Variants in CNTN1 observed in about 807,000 individuals in gnomAD.
CNTN1 encodes the protein contactin 1.
In CNTN1, 38 loss-of-function variants were observed where a neutral mutation model predicts 126.4. The ratio of observed to expected loss-of-function variants is 0.30; its 90% CI spans 0.23 to 0.39. The LOEUF is 0.39. Ranked by LOEUF, CNTN1 falls within the 10% of genes least tolerant of loss-of-function variation. The probability of loss-of-function intolerance (pLI) is 1.00; values close to 1 mark genes in which losing one functional copy is unlikely to be tolerated. For missense variants in CNTN1, 1,009 were observed against 1,248.4 expected (o/e 0.81, Z 2.89); for synonymous variants, 413 against 422.6 (o/e 0.98, Z 0.28).
chr12:40,775,775 T>G (rs1003067765), intron 1 of CNTN1, among the ~76,000 whole-genome samples: 6 of 151,564 alleles, frequency 4.0e-5, no homozygotes, highest in African/African-American at 1.5e-4. Flanking sequence ...AAGACCTAAG[T>G]TAGACACAAA....
chr12:40,940,567 GTAAAGT>G (rs1450957833), intron 12 of CNTN1, among the ~76,000 whole-genome samples: 1 of 152,122 alleles, frequency 6.6e-6, no homozygotes, highest in Non-Finnish European at 1.5e-5. Flanking sequence ...CTAAAGCTTG[GTAAAGT>G]TAAAGTGACC....
At chr12:40,746,096 C>T (rs2136389656) in intron 1 of CNTN1, among the ~76,000 whole-genome samples, 1 of 152,200 alleles carries the variant, frequency 6.6e-6, no homozygotes, top group East Asian at 1.9e-4. Flanking sequence ...ATTGATGCAA[C>T]AACTTAATTA....
chr12:40,872,592 A>C (rs1180247795), intron 1 of CNTN1, among the ~76,000 whole-genome samples: 1 of 35,436 alleles, frequency 2.8e-5, no homozygotes, highest in African/African-American at 1.3e-4. Context: ...TTTTTTTTTG[A>C]GATGGAGTCT....
chr12:40,910,500 G>A (rs1488599357), intron 3 of CNTN1, among the ~76,000 whole-genome samples: 2 of 152,292 alleles, frequency 1.3e-5, no homozygotes, highest in East Asian at 3.9e-4. Context: ...TTAAGATTCA[G>A]TTCAATTAAA....
chr12:40,962,311 A>G (rs1947131865), intron 15 of CNTN1, among the ~76,000 whole-genome samples: 1 of 152,070 alleles, frequency 6.6e-6, no homozygotes, highest in African/African-American at 2.4e-5. Flanking sequence ...AAGGGTGAGT[A>G]TATGCATACA....
intron 1 of CNTN1, among the ~76,000 whole-genome samples, chr12:40,898,790 G>T (rs78943838): frequency 0.098 from 14,928 of 152,248 alleles, 866 homozygotes; most frequent in Non-Finnish European, 0.13. Flanking sequence ...GGGTGGTCTC[G>T]TGTCAGAAGA....
intron 6 of CNTN1, among the ~76,000 whole-genome samples, chr12:40,925,611 A>ATATATATATACGTG (rs1565962125): frequency 1.0e-4 from 15 of 143,924 alleles, no homozygotes; most frequent in Non-Finnish European, 1.1e-4. Context: ...ATATACGTGT[A>ATATATATATACGTG]TATATATATA....
intron 1 of CNTN1, among the ~76,000 whole-genome samples, chr12:40,867,081 T>C (rs1034866475): frequency 1.3e-5 from 2 of 152,172 alleles, no homozygotes; most frequent in African/African-American, 2.4e-5. Flanking sequence ...GCACCAGAAG[T>C]CTCTACCATC....
At chr12:40,839,873 A>C (rs1396478960) in intron 1 of CNTN1, among the ~76,000 whole-genome samples, 1 of 152,136 alleles carries the variant, frequency 6.6e-6, no homozygotes, top group Non-Finnish European at 1.5e-5. Context: ...GATAAAACTC[A>C]AACAGTGCCA....
intron 1 of CNTN1, among the ~76,000 whole-genome samples, chr12:40,751,553 CAA>C (rs1404327196): frequency 6.6e-6 from 1 of 152,120 alleles, no homozygotes; most frequent in African/African-American, 2.4e-5. Context: ...GAGAAATTCA[CAA>C]AGTGTTTAGA....
chr12:40,897,383 T>A (rs1310052927), intron 1 of CNTN1, among the ~76,000 whole-genome samples: 2 of 152,196 alleles, frequency 1.3e-5, no homozygotes, highest in Non-Finnish European at 2.9e-5. Context: ...TTTGAGAATT[T>A]GCTTCTACTG....
chr12:40,853,885 G>C (rs1450660266), intron 1 of CNTN1, among the ~76,000 whole-genome samples: 1 of 151,252 alleles, frequency 6.6e-6, no homozygotes, highest in Non-Finnish European at 1.5e-5. Flanking sequence ...AAGATATACA[G>C]TCCACTGACC....
At chr12:40,836,664 G>A (rs1411456860) in intron 1 of CNTN1, among the ~76,000 whole-genome samples, 1 of 152,094 alleles carries the variant, frequency 6.6e-6, no homozygotes, top group East Asian at 1.9e-4. Flanking sequence ...AGGATACATA[G>A]GATAGTTTTT....
At chr12:40,699,430 T>A (rs1941540522) in intron 1 of CNTN1, among the ~76,000 whole-genome samples, 1 of 152,188 alleles carries the variant, frequency 6.6e-6, no homozygotes, top group Admixed American at 6.5e-5. Context: ...AGTTTTTTTT[T>A]AATGAGGAAT....
rs559271911 is a variant in CNTN1, at chr12:41,000,915, AG to A, written c.2113+7648del. 1.3e-3 allele frequency among the ~76,000 whole-genome samples: 198 copies of A among 152,320 alleles called. 1 individual carries two copies. Among genetic ancestry groups the A allele is most frequent in the African/African-American group, 4.5e-3 (189 of 41,580 alleles). On this transcript the variant is annotated intron_variant, in intron 17 of 23. Coordinates refer to ENST00000551295, the MANE Select transcript of CNTN1 (RefSeq NM_001843.4). ...TTTCTGTTCTTGCACTAATTTGCTA[AG>A]GATAATGACTTCCTGCTCCATCCAT...
chr12:40,891,828 T>A (rs11178929), intron 1 of CNTN1, among the ~76,000 whole-genome samples: 1 of 151,970 alleles, frequency 6.6e-6, no homozygotes, highest in Non-Finnish European at 1.5e-5. Flanking sequence ...GGTTGGACAG[T>A]GTCCGTCCTC....
chr12:40,889,725 C>T (rs1436792448), intron 1 of CNTN1, among the ~76,000 whole-genome samples: 1 of 152,024 alleles, frequency 6.6e-6, no homozygotes, highest in Non-Finnish European at 1.5e-5. Context: ...TGGCAGTGAT[C>T]GTGGCAGTTT....
At position 40,950,097 on chromosome 12, in the gene CNTN1, G is replaced by GGTGTGT. The variant is rs59713493; in HGVS notation, c.1683+5968_1683+5973dup. 5.6e-3 allele frequency among the ~76,000 whole-genome samples: 817 copies of GGTGTGT among 145,302 alleles called. 3 individuals carry two copies. The highest frequency in any genetic ancestry group is 0.023 in the East Asian group (110 of 4,738). ...ATCACAACTGTAGAGGTGTTGAGAG[G>GGTGTGT]GTGTGTGTGTGTGTGTGTGTGTGTG... On this transcript the variant is annotated intron_variant, in intron 14 of 23. Coordinates refer to ENST00000551295, the MANE Select transcript of CNTN1 (RefSeq NM_001843.4).
intron 17 of CNTN1, among the ~76,000 whole-genome samples, chr12:40,997,480 A>C (rs1025882207): frequency 6.6e-6 from 1 of 152,142 alleles, no homozygotes; most frequent in Non-Finnish European, 1.5e-5. Context: ...TTTTTCACAC[A>C]TATTTGATAA....
Sources: gnomAD v4.1 joint callset for allele counts (sites outside exome capture counted in the v4.1 genomes callset) on GRCh38, gnomAD v4.1.1 for gene constraint, MANE v1.5 for transcripts, NCBI Gene and HGNC (gene_info 2026-07-23, HGNC 2026-07-21) for gene names.